Variants in EYS observed in about 807,000 individuals in gnomAD.
The protein encoded by EYS is protein eyes shut homolog.
Under a neutral mutation model 282.1 loss-of-function variants are expected in EYS, and 250 were observed. The ratio of observed to expected loss-of-function variants is 0.89; its 90% CI spans 0.80 to 0.98. The LOEUF (loss-of-function observed/expected upper bound fraction) is 0.98. Ranked by LOEUF, EYS falls within the 50% of genes least tolerant of loss-of-function variation. The pLI, the probability that EYS is intolerant of heterozygous loss-of-function variation, is 0.00. For missense variants in EYS, 4,016 were observed against 3,709.0 expected, an observed-to-expected ratio of 1.08 and a Z score of -2.15; for synonymous variants, 1,355 against 1,282.9, an observed-to-expected ratio of 1.06 and a Z score of -1.20.
intron 18 of EYS, among the ~76,000 whole-genome samples, chr6:64,895,779 G>A (rs1767440665): frequency 6.6e-6 from 1 of 151,914 alleles, no homozygotes; most frequent in Admixed American, 6.6e-5. Context: ...AGTGTGCAAA[G>A]AATGAGATAA....
At chr6:64,081,388 C>T (rs901918458) in intron 32 of EYS, among the ~76,000 whole-genome samples, 4 of 151,606 alleles carry the variant, frequency 2.6e-5, no homozygotes, top group African/African-American at 9.7e-5. Context: ...TAAGCAAATA[C>T]TGTTAATACT....
intron 9 of EYS, among the ~76,000 whole-genome samples, chr6:65,349,052 T>A (rs2150323812): frequency 1.3e-5 from 2 of 151,592 alleles, no homozygotes; most frequent in South Asian, 4.2e-4. Flanking sequence ...ACAAGTCGAA[T>A]TTTTTTTCAG....
chr6:64,842,860 G>A (rs9345549), intron 19 of EYS, among the ~76,000 whole-genome samples: 14,279 of 152,144 alleles, frequency 0.094, 859 homozygotes, highest in East Asian at 0.32. Flanking sequence ...AAAAGTTCAG[G>A]AAATTTGCAG....
chr6:63,781,106 A>G lies in EYS; in HGVS notation c.7724-2926T>C, dbSNP rs939183652. On this transcript the variant is annotated intron_variant, in intron 39 of 42. Coordinates refer to ENST00000503581, the MANE Select transcript of EYS (RefSeq NM_001142800.2). ...AGGCTCTGTTCTTTTCCATTGGTCT[A>G]TATCTCTGTTTTGGTAGCAGTACCA... 5.3e-5 allele frequency among the ~76,000 whole-genome samples: 8 copies of G among 152,120 alleles called. No homozygotes were observed. In the South Asian group the frequency reaches 1.7e-3, roughly 31 times the overall value.
chr6:65,363,943 TTTTAA>T (rs2150336159), intron 8 of EYS, among the ~76,000 whole-genome samples: 1 of 151,700 alleles, frequency 6.6e-6, no homozygotes. Context: ...ATTTTCTCTA[TTTTAA>T]TTTAATTATC....
At chr6:64,987,622 G>A (rs1000311848) in intron 14 of EYS, among the ~76,000 whole-genome samples, 4 of 151,390 alleles carry the variant, frequency 2.6e-5, no homozygotes, top group Non-Finnish European at 3.0e-5. Flanking sequence ...AGGGAATCTT[G>A]GGGGAGGCAT....
intron 1 of EYS, among the ~76,000 whole-genome samples, chr6:65,667,999 A>C (rs952215662): frequency 1.3e-5 from 2 of 151,918 alleles, no homozygotes; most frequent in Non-Finnish European, 1.5e-5. Flanking sequence ...GAATAGAAAT[A>C]TCAGCAAATG....
Position 65,495,211 on chromosome 6 carries a change from T to A in EYS, c.200A>T (p.Asp67Val), listed in dbSNP as rs774849760. 1 of 1,614,188 alleles carries A rather than the reference T, an allele frequency of 6.2e-7. No individual in the cohort carries two copies. The highest frequency in any genetic ancestry group is 8.5e-7 in the Non-Finnish European group (1 of 1,180,026). The part of the protein sequence containing the change: ...CWFLGVNTKI[D>V]TSGNQAVPQI... Reference sequence around the variant, plus strand: ...GGGAACAGCTTGATTGCCTGAAGTATCTATTTTAGTGTTTACACCCAAAAA... The same window carrying A: ...GGGAACAGCTTGATTGCCTGAAGTAACTATTTTAGTGTTTACACCCAAAAA... The change falls in exon 4 of 43, where the codon GAT (aspartate) becomes GTT (valine). Residue 67 changes from aspartate (D) to valine (V), a missense_variant. Physicochemically the swap from Asp to Val is radical, Grantham distance 152 (BLOSUM62 -3). Transcript: ENST00000503581.
intron 1 of EYS, among the ~76,000 whole-genome samples, chr6:65,678,375 A>T (rs1193035634): frequency 1.3e-5 from 2 of 152,016 alleles, no homozygotes; most frequent in African/African-American, 4.8e-5. Flanking sequence ...GAAAAATTGA[A>T]TTTTTTTCAC....
chr6:64,652,351 C>T (rs1455947593), intron 22 of EYS, among the ~76,000 whole-genome samples: 4 of 152,184 alleles, frequency 2.6e-5, no homozygotes, highest in Non-Finnish European at 5.9e-5. Context: ...AAGATTCATT[C>T]TGGCTGGCCT....
At chr6:65,321,009 G>A (rs1000767623) in intron 11 of EYS, among the ~76,000 whole-genome samples, 4 of 152,164 alleles carry the variant, frequency 2.6e-5, no homozygotes, top group East Asian at 1.9e-4. Flanking sequence ...ACAGCTGTTG[G>A]TCCCAAGGGA....
chr6:65,443,152 A>G (rs1486209376), intron 5 of EYS, among the ~76,000 whole-genome samples: 3 of 147,840 alleles, frequency 2.0e-5, no homozygotes, highest in African/African-American at 4.8e-5. Flanking sequence ...TGTACACATC[A>G]TACACATATA....
intron 35 of EYS, among the ~76,000 whole-genome samples, chr6:63,930,342 G>A (rs186944070): frequency 1.9e-5 from 2 of 107,110 alleles, no homozygotes; most frequent in East Asian, 3.3e-4. Flanking sequence ...ATTCAGTTTT[G>A]TAACCTTGAT....
chr6:63,956,038 C>A (rs1030594246), intron 35 of EYS, among the ~76,000 whole-genome samples: 3 of 152,220 alleles, frequency 2.0e-5, no homozygotes, highest in Admixed American at 2.0e-4. Context: ...CACCCCTAAT[C>A]CAGCTCGAAG....
intron 2 of EYS, among the ~76,000 whole-genome samples, chr6:65,630,696 G>T (rs9354270): frequency 0.03 from 4,611 of 152,250 alleles, 284 homozygotes; most frequent in East Asian, 0.29. Context: ...CAGTGTCATT[G>T]TCAGTTAAAA....
chr6:65,152,982 CAA>C (rs112973520), intron 12 of EYS, among the ~76,000 whole-genome samples: 30 of 133,780 alleles, frequency 2.2e-4, no homozygotes, highest in Non-Finnish European at 1.9e-4. Flanking sequence ...TGTATTAGAC[CAA>C]AAAAAAAAAA....
At chr6:63,833,830 CA>C (rs1771719476) in intron 36 of EYS, among the ~76,000 whole-genome samples, 1 of 152,118 alleles carries the variant, frequency 6.6e-6, no homozygotes, top group African/African-American at 2.4e-5. Context: ...CTACAGTAAC[CA>C]AAACAGCATG....
chr6:64,893,907 C>T (rs753121517), intron 18 of EYS, among the ~76,000 whole-genome samples: 3 of 151,950 alleles, frequency 2.0e-5, no homozygotes, highest in African/African-American at 4.8e-5. Flanking sequence ...ATTTCATACA[C>T]ATATATATGT....
At position 64,750,565 on chromosome 6, in the gene EYS, A is replaced by G. The variant is rs561153320; in HGVS notation, c.3443+62813T>C. Among the ~76,000 whole-genome samples, 194 of 152,294 alleles carry G rather than the reference A, an allele frequency of 1.3e-3. 1 individual carries two copies. Among genetic ancestry groups the G allele is most frequent in the Non-Finnish European group, 2.2e-3 (153 of 68,014 alleles). ...AGCTAAGGTTATACATTTGAATGTG[A>G]TCTGCATAAAGCTGGATGGATCAGC... On this transcript the variant is annotated intron_variant, in intron 22 of 42. Coordinates refer to ENST00000503581, the MANE Select transcript of EYS (RefSeq NM_001142800.2).
Sources: allele counts gnomAD v4.1 joint callset (sites outside exome capture counted in the v4.1 genomes callset), GRCh38; gene constraint gnomAD v4.1.1; transcripts MANE v1.5; gene names NCBI Gene and HGNC (gene_info 2026-07-23, HGNC 2026-07-21).